The following OXCT1 variants were observed in gnomAD, a reference collection of about 807,000 sequenced individuals.
The protein encoded by OXCT1 is succinyl-CoA:3-ketoacid coenzyme A transferase 1, mitochondrial.
Under a neutral mutation model 69.6 loss-of-function variants are expected in OXCT1, and 27 were observed. The ratio of observed to expected loss-of-function variants is 0.39; its 90% confidence interval spans 0.29 to 0.54. OXCT1 has a LOEUF of 0.54. OXCT1 is among the 20% of genes least tolerant of loss of function. The probability of loss-of-function intolerance (pLI) is 0.72; values close to 1 mark genes in which losing one functional copy is unlikely to be tolerated. For missense variants in OXCT1, 437 were observed against 650.2 expected (o/e 0.67, Z 3.57); for synonymous variants, 202 against 217.8 (o/e 0.93, Z 0.64).
At chr5:41,815,021 G>A (rs895321652) in intron 7 of OXCT1, among the ~76,000 whole-genome samples, 2 of 151,888 alleles carry the variant, frequency 1.3e-5, no homozygotes, top group Admixed American at 6.6e-5. Flanking sequence ...ATTGTAAAAC[G>A]CAGGATGTGA....
intron 14 of OXCT1, among the ~76,000 whole-genome samples, chr5:41,752,287 T>C (rs891370900): frequency 2.0e-5 from 3 of 152,084 alleles, no homozygotes; most frequent in African/African-American, 7.2e-5. Flanking sequence ...TACCTGATCA[T>C]TGTAGGAATC....
chr5:41,777,731 G>A (rs1442435936), intron 13 of OXCT1, among the ~76,000 whole-genome samples: 1 of 152,104 alleles, frequency 6.6e-6, no homozygotes, highest in Non-Finnish European at 1.5e-5. Flanking sequence ...GCTTTCCAAT[G>A]TGCTTCTAAA....
At chr5:41,815,676 T>C (rs769005406) in intron 7 of OXCT1, among the ~76,000 whole-genome samples, 12 of 152,206 alleles carry the variant, frequency 7.9e-5, no homozygotes, top group Non-Finnish European at 1.8e-4. Flanking sequence ...ACATCTAACA[T>C]GTTCATTCAA....
intron 7 of OXCT1, among the ~76,000 whole-genome samples, chr5:41,832,997 C>T (rs1348347482): frequency 6.6e-6 from 1 of 151,964 alleles, no homozygotes; most frequent in Non-Finnish European, 1.5e-5. Flanking sequence ...TGAAGCACAC[C>T]TACAATATCT....
At chr5:41,754,854 G>C (rs546062105) in intron 14 of OXCT1, among the ~76,000 whole-genome samples, 4 of 152,152 alleles carry the variant, frequency 2.6e-5, no homozygotes, top group East Asian at 1.9e-4. Flanking sequence ...TCAAGGGGAA[G>C]ACTAGCCAAA....
At chr5:41,756,797 TGA>T (rs2112081137) in intron 14 of OXCT1, among the ~76,000 whole-genome samples, 1 of 152,098 alleles carries the variant, frequency 6.6e-6, no homozygotes, top group African/African-American at 2.4e-5. Flanking sequence ...TGAGTCTGAG[TGA>T]AGTGAGGCAG....
chr5:41,731,531 T>G lies in OXCT1; in HGVS notation c.*198A>C. 4.3e-6 allele frequency: 4 copies of G among 935,448 alleles called. No individual in the cohort carries two copies. The highest frequency in any genetic ancestry group is 4.7e-6 in the Non-Finnish European group (3 of 641,966). 57.9% of individuals were successfully genotyped at this position (935,448 alleles called of 1,614,324 possible). A position where few individuals can be genotyped will look rare whatever the true frequency, so the allele number is the denominator to read the frequency against. On this transcript the variant is annotated 3_prime_UTR_variant, in exon 17 of 17. Transcript: ENST00000196371. ...TCAGCCTTAACAAATGAGATAATTATAAATGCTCCTTTTGCTTTTTATTAA... is the reference window on the plus strand; with the variant it reads ...TCAGCCTTAACAAATGAGATAATTAGAAATGCTCCTTTTGCTTTTTATTAA...
chr5:41,828,436 T>C (rs1427756933), intron 7 of OXCT1, among the ~76,000 whole-genome samples: 1 of 152,052 alleles, frequency 6.6e-6, no homozygotes, highest in Non-Finnish European at 1.5e-5. Flanking sequence ...GCTACACATT[T>C]CTATACATGA....
chr5:41,782,267 T>C (rs1033707623), intron 13 of OXCT1, among the ~76,000 whole-genome samples: 8 of 151,258 alleles, frequency 5.3e-5, no homozygotes, highest in African/African-American at 1.9e-4. Context: ...CAGGCTGGAG[T>C]GCAGTGGTGT....
intron 7 of OXCT1, 22 bp from the exon 8 acceptor site, chr5:41,807,460 T>C (rs1746741641): frequency 7.3e-7 from 1 of 1,368,006 alleles, no homozygotes; most frequent in Admixed American, 1.7e-5. Context: ...GAAATTTCTT[T>C]CAAAGTTAGT....
At chr5:41,781,650 T>C (rs1745406548) in intron 13 of OXCT1, among the ~76,000 whole-genome samples, 1 of 152,134 alleles carries the variant, frequency 6.6e-6, no homozygotes. Context: ...GTTCCCCCAG[T>C]GGTGTCCATG....
chr5:41,738,579 A>G (rs1743005264), intron 16 of OXCT1, among the ~76,000 whole-genome samples: 1 of 152,106 alleles, frequency 6.6e-6, no homozygotes, highest in Non-Finnish European at 1.5e-5. Context: ...TTTCTCTATA[A>G]ACTACCCAAT....
intron 7 of OXCT1, among the ~76,000 whole-genome samples, chr5:41,816,866 T>C (rs1262118708): frequency 1.3e-5 from 2 of 152,308 alleles, no homozygotes; most frequent in Non-Finnish European, 2.9e-5. Flanking sequence ...AACTTTTCAA[T>C]GTTGGAATGC....
At chr5:41,846,879 C>G (rs1748933996) in intron 5 of OXCT1, among the ~76,000 whole-genome samples, 1 of 152,062 alleles carries the variant, frequency 6.6e-6, no homozygotes, top group Admixed American at 6.6e-5. Flanking sequence ...TCTCTGATGG[C>G]CAGTGATGGT....
intron 16 of OXCT1, among the ~76,000 whole-genome samples, chr5:41,736,045 C>A (rs1742869908): frequency 6.6e-6 from 1 of 152,222 alleles, no homozygotes; most frequent in South Asian, 2.1e-4. Flanking sequence ...ACATCCCTCA[C>A]TCTAGCCTGT....
rs531588343 is a variant in OXCT1, at chr5:41,761,931, A to G, written c.1338+180T>C. ...TGTTTGGTTTCACTCAAAGTTAACC[A>G]TTTAGCTAAATAAATAATAAGTAAC... On this transcript the variant is annotated intron_variant, in intron 14 of 16. Transcript: ENST00000196371. Among the ~76,000 whole-genome samples the G allele has an allele frequency of 3.3e-5, 5 of 152,316 alleles. No homozygotes were observed. The South Asian group carries it at 1.0e-3, about 32-fold the overall frequency.
chr5:41,791,169 A>G (rs975515798), intron 13 of OXCT1, among the ~76,000 whole-genome samples: 1 of 152,202 alleles, frequency 6.6e-6, no homozygotes, highest in African/African-American at 2.4e-5. Context: ...CAAACAATGA[A>G]AATATACATG....
chr5:41,754,891 T>C (rs1295638922), intron 14 of OXCT1, among the ~76,000 whole-genome samples: 1 of 152,068 alleles, frequency 6.6e-6, no homozygotes, highest in African/African-American at 2.4e-5. Flanking sequence ...GCAAGCCATT[T>C]GCCTGAAAAA....
At chr5:41,800,542 A>G (rs749398131) in intron 11 of OXCT1, among the ~76,000 whole-genome samples, 14 of 151,372 alleles carry the variant, frequency 9.2e-5, no homozygotes, top group Middle Eastern at 3.4e-3. Flanking sequence ...TCCTCTACCA[A>G]AGGCCACAGT....
Sources: allele counts gnomAD v4.1 joint callset (sites outside exome capture counted in the v4.1 genomes callset), GRCh38; gene constraint gnomAD v4.1.1; transcripts MANE v1.5; gene names NCBI Gene and HGNC (gene_info 2026-07-23, HGNC 2026-07-21).